LIMCH1: variants seen among roughly 807,000 people sequenced by gnomAD.
The protein encoded by LIMCH1 is LIM and calponin homology domains-containing protein 1.
In LIMCH1, 113 loss-of-function variants were observed where a neutral mutation model predicts 176.5. The ratio of observed to expected loss-of-function variants is 0.64; its 90% CI spans 0.55 to 0.75. The LOEUF (loss-of-function observed/expected upper bound fraction) is 0.75, where lower values mean the gene tolerates loss of function less well. Ranked by LOEUF, LIMCH1 falls within the 30% of genes least tolerant of loss-of-function variation. The pLI is 0.00. For synonymous variants in LIMCH1, 619 were observed against 645.9 expected, an observed-to-expected ratio of 0.96 and a Z score of 0.63; for missense variants, 1,674 against 1,814.9, an observed-to-expected ratio of 0.92 and a Z score of 1.41.
chr4:41,573,535 A>G (rs1306539168), intron 1 of LIMCH1, among the ~76,000 whole-genome samples: 2 of 152,124 alleles, frequency 1.3e-5, no homozygotes, highest in Non-Finnish European at 2.9e-5. Flanking sequence ...ACTTCCGTAT[A>G]TTGTTAAGTA....
At chr4:41,498,759 G>C (rs1293552982) in intron 2 of LIMCH1, among the ~76,000 whole-genome samples, 1 of 152,086 alleles carries the variant, frequency 6.6e-6, no homozygotes, top group African/African-American at 2.4e-5. Context: ...CACATACACC[G>C]GCCTGTTTTG....
At position 41,633,698 on chromosome 4, in the gene LIMCH1, G is replaced by T; in HGVS notation, c.1980G>T (p.Gly660=). 6.5e-7 allele frequency: 1 copy of T among 1,536,196 alleles called. No individual in the cohort carries two copies. Among genetic ancestry groups the T allele is most frequent in the African/African-American group, 1.4e-5 (1 of 73,176 alleles). ...RKDDMMARRT[G]MSLRHTGSNP... ...ATGACATGATGGCCAGGAGAACTGG[G>T]ATGTCCCTTAGACACACTGGATCCA... The change falls in exon 13 of 32, where the codon GGG becomes GGT. Residue 660 remains glycine (G), a synonymous_variant. Coordinates refer to ENST00000503057, the MANE Select transcript of LIMCH1 (RefSeq NM_001330672.2).
At chr4:41,586,754 TCCTGATAGGCTGCACTGTGGTATTGCC>T (rs1223549826) in intron 1 of LIMCH1, among the ~76,000 whole-genome samples, 1 of 152,186 alleles carries the variant, frequency 6.6e-6, no homozygotes. Flanking sequence ...CAGACAGTTT[TCCTGATAGGCTGCACTGTGGTATTGCC>T]CCTCAAATGA....
intron 2 of LIMCH1, among the ~76,000 whole-genome samples, chr4:41,498,472 T>G (rs1203562761): frequency 6.6e-6 from 1 of 152,220 alleles, no homozygotes; most frequent in Non-Finnish European, 1.5e-5. Flanking sequence ...TCTCTCTTCC[T>G]CTGTTGTTTT....
At chr4:41,489,520 T>G (rs2070344899) in intron 1 of LIMCH1, among the ~76,000 whole-genome samples, 1 of 152,174 alleles carries the variant, frequency 6.6e-6, no homozygotes, top group Non-Finnish European at 1.5e-5. Flanking sequence ...TGTAATTTCT[T>G]TTTGATTTCT....
intron 1 of LIMCH1, among the ~76,000 whole-genome samples, chr4:41,385,472 T>C (rs2056365059): frequency 6.6e-6 from 1 of 152,190 alleles, no homozygotes; most frequent in African/African-American, 2.4e-5. Flanking sequence ...TTATTAAAAA[T>C]GTAATTTTGT....
chr4:41,539,035 T>C (rs1206285003), intron 1 of LIMCH1, among the ~76,000 whole-genome samples: 2 of 152,176 alleles, frequency 1.3e-5, no homozygotes, highest in South Asian at 2.1e-4. Context: ...TGCTAAACGT[T>C]CCATGGCACT....
At chr4:41,519,700 A>G (rs2075932209) in intron 2 of LIMCH1, among the ~76,000 whole-genome samples, 1 of 152,232 alleles carries the variant, frequency 6.6e-6, no homozygotes, top group African/African-American at 2.4e-5. Flanking sequence ...GCTTGCAGTT[A>G]CCTAGCTAAA....
At chr4:41,617,416 TG>T (rs2092205021) in intron 5 of LIMCH1, among the ~76,000 whole-genome samples, 1 of 152,238 alleles carries the variant, frequency 6.6e-6, no homozygotes, top group South Asian at 2.1e-4. Flanking sequence ...CTTTATAAAA[TG>T]GGATAGTATC....
At chr4:41,691,475 G>A (rs1725597596) in intron 30 of LIMCH1, among the ~76,000 whole-genome samples, 4 of 152,100 alleles carry the variant, frequency 2.6e-5, no homozygotes, top group Admixed American at 6.5e-5. Flanking sequence ...GGCTGGGCAC[G>A]GTGGCTCATG....
chr4:41,432,392 A>C (rs1358515571), intron 1 of LIMCH1, among the ~76,000 whole-genome samples: 6 of 152,192 alleles, frequency 3.9e-5, no homozygotes, highest in African/African-American at 1.4e-4. Flanking sequence ...GTAACTCTTT[A>C]CGTATAACGT....
chr4:41,561,554 G>A (rs2082067400), intron 1 of LIMCH1, among the ~76,000 whole-genome samples: 1 of 152,166 alleles, frequency 6.6e-6, no homozygotes, highest in African/African-American at 2.4e-5. Flanking sequence ...TTCAAGTCTT[G>A]TTTATGGTTT....
At chr4:41,385,137 G>A (rs145958234) in intron 1 of LIMCH1, among the ~76,000 whole-genome samples, 30 of 152,338 alleles carry the variant, frequency 2.0e-4, no homozygotes, top group Middle Eastern at 3.4e-3. Flanking sequence ...GTGACCTGGC[G>A]CTGTGCCACT....
At chr4:41,444,307 TATATATACACACAC>T (rs1375161042) in intron 1 of LIMCH1, among the ~76,000 whole-genome samples, 10 of 72,484 alleles carry the variant, frequency 1.4e-4, no homozygotes, top group African/African-American at 1.0e-3. Context: ...TGTGTGTGTA[TATATATACACACAC>T]ACACACACAC....
chr4:41,427,212 A>G (rs549523072), intron 1 of LIMCH1, among the ~76,000 whole-genome samples: 1 of 152,192 alleles, frequency 6.6e-6, no homozygotes, highest in East Asian at 1.9e-4. Flanking sequence ...AGTTACTTTC[A>G]TTGTCCTTCC....
chr4:41,492,716 A>C (rs534321963), intron 1 of LIMCH1, among the ~76,000 whole-genome samples: 1 of 152,262 alleles, frequency 6.6e-6, no homozygotes, highest in Non-Finnish European at 1.5e-5. Context: ...AGATATATAA[A>C]TCTCTGAATC....
chr4:41,623,404 G>A (rs1432610045), intron 7 of LIMCH1, among the ~76,000 whole-genome samples: 2 of 152,158 alleles, frequency 1.3e-5, no homozygotes, highest in African/African-American at 4.8e-5. Flanking sequence ...GCATATAGAT[G>A]AACAACAAAG....
intron 19 of LIMCH1, among the ~76,000 whole-genome samples, 157 bp downstream of exon 19, chr4:41,661,667 A>G (rs2094625805): frequency 6.6e-6 from 1 of 152,312 alleles, no homozygotes; most frequent in African/African-American, 2.4e-5. Context: ...TTCCTGGGGA[A>G]GTTCTGCCCG....
rs918029249 is a variant in LIMCH1, at chr4:41,570,344, T to C, written c.-240-28576T>C. Among the ~76,000 whole-genome samples, 2 of 152,252 alleles carry C rather than the reference T, an allele frequency of 1.3e-5. 1 individual carries two copies. ...GGGTTAAAGAAATACTTTCAAAACA[T>C]GTGGCCTCACTTCCACTTAATTGCT... On this transcript the variant is annotated intron_variant, in intron 1 of 31. Transcript: ENST00000503057.
Sources: allele counts gnomAD v4.1 joint callset (sites outside exome capture counted in the v4.1 genomes callset), GRCh38; gene constraint gnomAD v4.1.1; transcripts MANE v1.5; gene names NCBI Gene and HGNC (gene_info 2026-07-23, HGNC 2026-07-21).